PPP2R1A: variants seen among roughly 807,000 people sequenced by gnomAD.
PPP2R1A encodes the protein serine/threonine-protein phosphatase 2A 65 kDa regulatory subunit A alpha isoform.
In PPP2R1A, 15 loss-of-function variants were observed where a neutral mutation model predicts 67.1. That is an observed-to-expected ratio of 0.22 (90% CI 0.15 to 0.34). The LOEUF is 0.34. Ranked by LOEUF, PPP2R1A falls within the 10% of genes least tolerant of loss-of-function variation. The pLI is 1.00. For synonymous variants in PPP2R1A, 337 were observed against 325.0 expected (o/e 1.04, Z -0.40); for missense variants, 369 against 775.0 (o/e 0.48, Z 6.22).
At position 52,216,410 on chromosome 19, in the gene PPP2R1A, T is replaced by G; in HGVS notation, c.994-119T>G. 1 of 1,337,090 alleles carries G rather than the reference T, an allele frequency of 7.5e-7. No homozygotes were observed. The highest frequency in any genetic ancestry group is 1.0e-6 in the Non-Finnish European group (1 of 968,792). 82.8% of individuals were successfully genotyped at this position (1,337,090 alleles called of 1,614,324 possible). On this transcript the variant is annotated intron_variant, in intron 8 of 14. Transcript: ENST00000322088. This position sits in a 1 kb window ranked among gnomAD's most constrained non-coding sequence, Gnocchi z 4.3. ...TTCCCCTGTACCCTAAGCCATCCCCTGCTCTATGAATGAGAGGGGCAGAAG... is the reference window on the plus strand; with the variant it reads ...TTCCCCTGTACCCTAAGCCATCCCCGGCTCTATGAATGAGAGGGGCAGAAG...
At position 52,219,879 on chromosome 19, in the gene PPP2R1A, C is replaced by T. The variant is rs1460097999; in HGVS notation, c.1302+15C>T. The T allele has an allele frequency of 4.4e-6, 7 of 1,604,226 alleles. No individual in the cohort carries two copies. The African/African-American group carries it at 5.3e-5, about 12-fold the overall frequency. On this transcript the variant is annotated intron_variant, in intron 10 of 14. Transcript: ENST00000322088. This position sits in a 1 kb window ranked among gnomAD's most constrained non-coding sequence, Gnocchi z 4.0. ...CTGGACAGCTGGTGAGTGAGGAGGC[C>T]TGGGGGCCAGGCAGTGCTGCCTCAG...
intron 6 of PPP2R1A, 32 bp from the exon 7 acceptor site, chr19:52,215,747 C>G: frequency 1.3e-6 from 2 of 1,590,246 alleles, no homozygotes; most frequent in Non-Finnish European, 1.7e-6. Context: ...GCCAGCCCCT[C>G]TCACTCTCCC....
At chr19:52,203,970 G>T (rs550416708) in intron 2 of PPP2R1A, among the ~76,000 whole-genome samples, 3 of 152,184 alleles carry the variant, frequency 2.0e-5, no homozygotes, top group African/African-American at 7.2e-5. Flanking sequence ...TGGAGCTTCC[G>T]TGCCCTCCCT....
chr19:52,199,528 A>T (rs1229079771), intron 1 of PPP2R1A, among the ~76,000 whole-genome samples: 1 of 152,186 alleles, frequency 6.6e-6, no homozygotes, highest in Non-Finnish European at 1.5e-5. Flanking sequence ...AGACTAACAC[A>T]AGGGTCAGCA....
chr19:52,196,000 A>C (rs146831124), intron 1 of PPP2R1A, among the ~76,000 whole-genome samples: 13 of 152,316 alleles, frequency 8.5e-5, no homozygotes, highest in Admixed American at 2.0e-4. Flanking sequence ...TTCCATGACT[A>C]TCTTTCCAGT....
intron 1 of PPP2R1A, among the ~76,000 whole-genome samples, chr19:52,198,966 A>G (rs1209118989): frequency 1.3e-5 from 2 of 152,218 alleles, no homozygotes; most frequent in Non-Finnish European, 2.9e-5. Context: ...ATTTATGATT[A>G]TGATTATTAA....
Position 52,211,200 on chromosome 19 carries a change from G to A in PPP2R1A, c.271-60G>A. The stretch of plus-strand genomic sequence containing the variant: ...AGCCCATGATGGGGTGCAGGATGGG[G>A]CTCCAGGGCTGCGGATGGTGGAGAG... On this transcript the variant is annotated intron_variant, in intron 3 of 14. Transcript: ENST00000322088. The surrounding 1 kb of genome is among the most constrained non-coding windows in gnomAD (Gnocchi z 5.3). 1 of 1,516,890 alleles carries A rather than the reference G, an allele frequency of 6.6e-7. No homozygotes were observed. Among genetic ancestry groups the A allele is most frequent in the Non-Finnish European group, 9.0e-7 (1 of 1,110,100 alleles). The allele number at this position is 1,516,890 out of a possible 1,614,324, so 94.0% of individuals were successfully genotyped here. A position where few individuals can be genotyped will look rare whatever the true frequency, so the allele number is the denominator to read the frequency against.
In PPP2R1A at chr19:52,228,330, C is replaced by A. The variant is rs533448441; in HGVS notation, c.*2349C>A. 190 of 152,274 alleles carry A rather than the reference C, an allele frequency of 1.2e-3. No individual in the cohort carries two copies. The highest frequency in any genetic ancestry group is 4.0e-3 in the African/African-American group (168 of 41,530). 9.4% of individuals were successfully genotyped at this position (152,274 alleles called of 1,614,324 possible). A position where few individuals can be genotyped will look rare whatever the true frequency, so the allele number is the denominator to read the frequency against. ...TTGAGTTATTGAACGCTGGCAGAGT[C>A]CTGAGTTAACCAGGAGTTGCCTGGT... On this transcript the variant is annotated 3_prime_UTR_variant, in exon 15 of 15. Coordinates refer to ENST00000322088, the MANE Select transcript of PPP2R1A (RefSeq NM_014225.6).
chr19:52,211,436 C>T lies in PPP2R1A; in HGVS notation c.447C>T (p.Gly149=), dbSNP rs2089669086. Residue 149 remains glycine, a synonymous_variant, in exon 4 of 15, where the codon GGC becomes GGT. Coordinates refer to ENST00000322088, the MANE Select transcript of PPP2R1A (RefSeq NM_014225.6). The surrounding 1 kb of genome is among the most constrained non-coding windows in gnomAD (Gnocchi z 5.3). ...DWFTSRTSAC[G]LFSVCYPRVS... Reference sequence around the variant, plus strand: ...TCACCTCCCGCACCTCGGCCTGCGGCCTCTTCTCCGTCTGCTACCCCCGAG... The same window carrying T: ...TCACCTCCCGCACCTCGGCCTGCGGTCTCTTCTCCGTCTGCTACCCCCGAG... 6.2e-7 allele frequency: 1 copy of T among 1,613,932 alleles called. No individual in the cohort carries two copies. Among genetic ancestry groups the T allele is most frequent in the Non-Finnish European group, 8.5e-7 (1 of 1,180,020 alleles).
chr19:52,209,675 C>A (rs1295426119), intron 3 of PPP2R1A, among the ~76,000 whole-genome samples: 1 of 152,142 alleles, frequency 6.6e-6, no homozygotes, highest in Non-Finnish European at 1.5e-5. Flanking sequence ...TGAGCTCCCC[C>A]TTCCCTCTCC....
At chr19:52,206,516 A>G (rs1481383575) in intron 3 of PPP2R1A, among the ~76,000 whole-genome samples, 3 of 152,124 alleles carry the variant, frequency 2.0e-5, no homozygotes, top group Non-Finnish European at 4.4e-5. Context: ...AATTGTCATT[A>G]TTGTTGCTGT....
At position 52,226,257 on chromosome 19, in the gene PPP2R1A, G is replaced by A. The variant is rs890089298; in HGVS notation, c.*276G>A. ...CGTCAGGGAGAGATGTGAGCATCCC[G>A]GGTCACTGGATCCTGCTGCTGTAAT... On this transcript the variant is annotated 3_prime_UTR_variant, in exon 15 of 15. Transcript: ENST00000322088. 86 of 503,534 alleles carry A rather than the reference G, an allele frequency of 1.7e-4. No homozygotes were observed. The highest frequency in any genetic ancestry group is 1.6e-3 in the Admixed American group (45 of 27,976). 31.2% of individuals were successfully genotyped at this position (503,534 alleles called of 1,614,324 possible). A position where few individuals can be genotyped will look rare whatever the true frequency, so the allele number is the denominator to read the frequency against.
rs953270176 is a variant in PPP2R1A at position 52,218,795 on chromosome 19, G to A, written c.1129-896G>A. On this transcript the variant is annotated intron_variant, in intron 9 of 14. Coordinates refer to ENST00000322088, the MANE Select transcript of PPP2R1A (RefSeq NM_014225.6). ...GAAGGCAAGCCCATACGTGCTGCAA[G>A]TGCGCTAGGACTGGAGCATTTTTTG... Among the ~76,000 whole-genome samples the A allele has an allele frequency of 1.1e-4, 17 of 152,254 alleles. No individual in the cohort carries two copies. The East Asian group carries it at 2.7e-3, about 24-fold the overall frequency.
At position 52,215,886 on chromosome 19, in the gene PPP2R1A, G is replaced by A; in HGVS notation, c.915G>A (p.Lys305=). The A allele has an allele frequency of 6.2e-7, 1 of 1,614,058 alleles. No homozygotes were observed. Among genetic ancestry groups the A allele is most frequent in the Non-Finnish European group, 8.5e-7 (1 of 1,179,948 alleles). The change falls in exon 7 of 15, where the codon AAG becomes AAA. Residue 305 remains lysine, a synonymous_variant. Transcript: ENST00000322088. ...EAEVRAAASH[K]VKEFCENLSA... ...AGGTGAGGGCCGCAGCCTCCCACAA[G>A]GTCAAAGGTTGGTGCTGGCAGCCGG... is the stretch of plus-strand genomic sequence containing the variant.
At position 52,212,907 on chromosome 19, in the gene PPP2R1A, C is replaced by G. The variant is rs2122336856; in HGVS notation, c.652-48C>G. The G allele has an allele frequency of 6.4e-7, 1 of 1,566,510 alleles. No homozygotes were observed. Among genetic ancestry groups the G allele is most frequent in the Non-Finnish European group, 8.7e-7 (1 of 1,154,932 alleles). ...CTGCCCATGAAAGAGAATCCCAGAG[C>G]TCAGCAAGGCCTCTGCTGCCCTCCC... On this transcript the variant is annotated intron_variant, in intron 5 of 14. Coordinates refer to ENST00000322088, the MANE Select transcript of PPP2R1A (RefSeq NM_014225.6). This position sits in a 1 kb window ranked among gnomAD's most constrained non-coding sequence, Gnocchi z 4.1.
chr19:52,199,586 T>G (rs1600159296), intron 1 of PPP2R1A, among the ~76,000 whole-genome samples: 1 of 152,346 alleles, frequency 6.6e-6, no homozygotes, highest in East Asian at 1.9e-4. Context: ...CTTTTGCAAG[T>G]AAAGTTATTG....
chr19:52,223,880 A>G (rs752136215), intron 13 of PPP2R1A, among the ~76,000 whole-genome samples: 4 of 152,324 alleles, frequency 2.6e-5, no homozygotes, highest in Non-Finnish European at 4.4e-5. Flanking sequence ...GTCTCTATCC[A>G]GGAGAAATGA....
In PPP2R1A at chr19:52,213,470, T is replaced by TG. The variant is rs2089695887; in HGVS notation, c.807+360_807+361insG. 7.8e-5 allele frequency among the ~76,000 whole-genome samples: 9 copies of TG among 115,810 alleles called. No individual in the cohort carries two copies. The highest frequency in any genetic ancestry group is 4.0e-4 in the Admixed American group (5 of 12,552). The allele number at this position is 115,810 out of a possible 152,430, so 76.0% of individuals were successfully genotyped here. ...GGGTTTTTTGGTGTTTTTTTTTTTT[T>TG]TTTTTTTTTTTTTTTTTAAGATGGA... On this transcript the variant is annotated intron_variant, in intron 6 of 14. Transcript: ENST00000322088. The surrounding 1 kb of genome is among the most constrained non-coding windows in gnomAD (Gnocchi z 4.2).
rs890556118 is a variant in PPP2R1A at position 52,227,016 on chromosome 19, A to G, written c.*1035A>G. ...GAGTAATCAGGACGGTACTAGGGAG[A>G]GAACTGTGGCAAGATAGATCAGTTA... On this transcript the variant is annotated 3_prime_UTR_variant, in exon 15 of 15. Coordinates refer to ENST00000322088, the MANE Select transcript of PPP2R1A (RefSeq NM_014225.6). 1.3e-5 allele frequency: 2 copies of G among 151,982 alleles called. No homozygotes were observed. The highest frequency in any genetic ancestry group is 2.4e-5 in the African/African-American group (1 of 41,374). The allele number at this position is 151,982 out of a possible 1,614,324, so 9.4% of individuals were successfully genotyped here.
Sources: gnomAD v4.1 joint callset for allele counts (sites outside exome capture counted in the v4.1 genomes callset) on GRCh38, gnomAD v4.1.1 for gene constraint, Gnocchi (gnomAD v3.1) non-coding constraint, MANE v1.5 for transcripts, NCBI Gene and HGNC (gene_info 2026-07-23, HGNC 2026-07-21) for gene names.